Variants in SLC45A2 observed in about 807,000 individuals in gnomAD.
The protein encoded by SLC45A2 is membrane-associated transporter protein.
SLC45A2 carries 36 observed loss-of-function variants against 45.5 expected under a neutral mutation model. The ratio of observed to expected loss-of-function variants is 0.79; its 90% CI spans 0.61 to 1.04. The LOEUF (loss-of-function observed/expected upper bound fraction) is 1.04, where lower values mean the gene tolerates loss of function less well. Ranked by LOEUF, SLC45A2 falls within the 50% of genes least tolerant of loss-of-function variation. The pLI, the probability that SLC45A2 is intolerant of heterozygous loss-of-function variation, is 0.00. For synonymous variants in SLC45A2, 306 were observed against 269.3 expected (o/e 1.14, Z -1.33); for missense variants, 719 against 671.0 (o/e 1.07, Z -0.79).
rs113891096 is a variant in SLC45A2 at position 33,951,786 on chromosome 5, C to A, written c.1033-109G>T. ...GGAGCAAATGTCCCTGCCTGAGGGA[C>A]CCTTTCTAGAGTACAGAGCTGATGC... On this transcript the variant is annotated intron_variant, in intron 4 of 6. Transcript: ENST00000296589. 1,210 of 1,377,272 alleles carry A rather than the reference C, an allele frequency of 8.8e-4. 13 individuals are homozygous for A. The African/African-American group carries it at 0.016, about 18-fold the overall frequency. 85.3% of individuals were successfully genotyped at this position (1,377,272 alleles called of 1,614,324 possible). A position where few individuals can be genotyped will look rare whatever the true frequency, so the allele number is the denominator to read the frequency against.
At position 33,984,373 on chromosome 5, in the gene SLC45A2, T is replaced by C. The variant is rs146913714; in HGVS notation, c.211A>G (p.Ser71Gly). Residue 71 changes from serine to glycine, a missense_variant, in exon 1 of 7, where the codon AGC becomes GGC. By Grantham distance (56) the Ser-to-Gly change is moderately conservative. Coordinates refer to ENST00000296589, the MANE Select transcript of SLC45A2 (RefSeq NM_016180.5). Reference protein sequence around the residue: ...LSVGLPSSLYSIVWFLSPILG... With the variant: ...LSVGLPSSLYGIVWFLSPILG... ...ATGGGGCTGAGGAACCACACAATGCTGTACAGGCTGCTGGGCAGACCTACG... is the reference window on the plus strand; with the variant it reads ...ATGGGGCTGAGGAACCACACAATGCCGTACAGGCTGCTGGGCAGACCTACG... 29 of 1,613,776 alleles carry C rather than the reference T, an allele frequency of 1.8e-5. No individual in the cohort carries two copies. Among genetic ancestry groups the C allele is most frequent in the Non-Finnish European group, 2.2e-5 (26 of 1,179,908 alleles).
At chr5:33,965,806 A>G (rs1752587628) in intron 2 of SLC45A2, among the ~76,000 whole-genome samples, 3 of 152,230 alleles carry the variant, frequency 2.0e-5, no homozygotes, top group Admixed American at 1.3e-4. Flanking sequence ...ATAAGAATGT[A>G]TTAAGTCTGC....
intron 5 of SLC45A2, among the ~76,000 whole-genome samples, chr5:33,950,683 T>C (rs186231035): frequency 1.2e-4 from 19 of 152,312 alleles, no homozygotes; most frequent in Non-Finnish European, 2.5e-4. Flanking sequence ...TCTCCCCATC[T>C]CTTCCCACTT....
intron 4 of SLC45A2, among the ~76,000 whole-genome samples, chr5:33,953,002 G>A (rs1284374031): frequency 1.2e-5 from 1 of 86,838 alleles, no homozygotes; most frequent in Non-Finnish European, 2.3e-5. Flanking sequence ...TTTCATCCAT[G>A]TCCCTACAAA....
At chr5:33,962,779 T>C (rs1049980747) in intron 3 of SLC45A2, among the ~76,000 whole-genome samples, 3 of 152,232 alleles carry the variant, frequency 2.0e-5, no homozygotes, top group Non-Finnish European at 4.4e-5. Context: ...CTATAGCAAG[T>C]AGCTATTTGT....
At chr5:33,974,792 G>A (rs1289837057) in intron 2 of SLC45A2, among the ~76,000 whole-genome samples, 1 of 152,074 alleles carries the variant, frequency 6.6e-6, no homozygotes, top group African/African-American at 2.4e-5. Context: ...TTGAACACAG[G>A]GAGAAAGAGA....
At position 33,984,476 on chromosome 5, in the gene SLC45A2, G is replaced by C; in HGVS notation, c.108C>G (p.Ile36Met). 1.9e-6 allele frequency: 3 copies of C among 1,613,608 alleles called. No individual in the cohort carries two copies. Among genetic ancestry groups the C allele is most frequent in the Non-Finnish European group, 2.5e-6 (3 of 1,179,974 alleles). ...EPPKRPTSRL[I>M]MHSMAMFGRE... is the part of the protein sequence containing the mutation. The stretch of plus-strand genomic sequence containing the variant: ...TTCCGAACATGGCCATGCTGTGCAT[G>C]ATGAGTCTGCTGGTGGGTCTTTTAG... Residue 36 changes from isoleucine to methionine, a missense_variant, in exon 1 of 7, where the codon ATC (isoleucine) becomes ATG (methionine). Ile to Met is a conservative substitution (Grantham distance 10, BLOSUM62 1). Transcript: ENST00000296589.
At chr5:33,965,858 G>T (rs1752588934) in intron 2 of SLC45A2, among the ~76,000 whole-genome samples, 1 of 152,230 alleles carries the variant, frequency 6.6e-6, no homozygotes, top group Non-Finnish European at 1.5e-5. Flanking sequence ...TCTAGATATT[G>T]CCAAATATCT....
At chr5:33,960,593 G>A (rs34675) in intron 3 of SLC45A2, among the ~76,000 whole-genome samples, 10,009 of 152,090 alleles carry the variant, frequency 0.066, 1,155 homozygotes, top group East Asian at 0.39. Flanking sequence ...CACAACAGAC[G>A]TTGGGGACTC....
rs575506579 is a variant in SLC45A2 at position 33,963,555 on chromosome 5, C to A, written c.888+136G>T. The A allele has an allele frequency of 8.0e-5, 77 of 957,628 alleles. No individual in the cohort carries two copies. In the East Asian group the frequency reaches 1.4e-3, roughly 18 times the overall value. 59.3% of individuals were successfully genotyped at this position (957,628 alleles called of 1,614,324 possible). The stretch of plus-strand genomic sequence containing the variant: ...TTTTAATTCCAAGGGATGATAGCTA[C>A]GGGGGATTTGGGAATTCAGTTAGAC... On this transcript the variant is annotated intron_variant, in intron 3 of 6. Coordinates refer to ENST00000296589, the MANE Select transcript of SLC45A2 (RefSeq NM_016180.5).
At chr5:33,947,780 T>C (rs993214442) in intron 5 of SLC45A2, among the ~76,000 whole-genome samples, 8 of 152,224 alleles carry the variant, frequency 5.3e-5, no homozygotes, top group Admixed American at 3.9e-4. Context: ...CAGGCCTATC[T>C]TGGCCCTACA....
At chr5:33,967,306 A>G (rs1752628416) in intron 2 of SLC45A2, among the ~76,000 whole-genome samples, 1 of 152,244 alleles carries the variant, frequency 6.6e-6, no homozygotes, top group African/African-American at 2.4e-5. Context: ...TCAAACTTGG[A>G]AAGTGTAAAA....
In SLC45A2 at chr5:33,984,637, G is replaced by A; in HGVS notation, c.-54C>T. ...GCCCACCACCTCCTGCGTGGTCCTA[G>A]GGTCTGTGTTTCAAACTGGATTTGA... On this transcript the variant is annotated 5_prime_UTR_variant, in exon 1 of 7. Coordinates refer to ENST00000296589, the MANE Select transcript of SLC45A2 (RefSeq NM_016180.5). 5.6e-6 allele frequency: 9 copies of A among 1,600,438 alleles called. No homozygotes were observed. Among genetic ancestry groups the A allele is most frequent in the Non-Finnish European group, 7.6e-6 (9 of 1,179,610 alleles).
chr5:33,947,115 C>T, intron 6 of SLC45A2, 48 bp downstream of exon 6: 1 of 1,614,202 alleles, frequency 6.2e-7, no homozygotes, highest in Non-Finnish European at 8.5e-7. Context: ...CCCCAGCCTT[C>T]AGATGAGTCT....
chr5:33,945,039 G>T (rs1022661819), intron 6 of SLC45A2, among the ~76,000 whole-genome samples, 167 bp from the exon 7 acceptor site: 2 of 152,246 alleles, frequency 1.3e-5, no homozygotes, highest in African/African-American at 4.8e-5. Flanking sequence ...TGCAAAAGCA[G>T]GGGCAATGTG....
chr5:33,981,468 T>TA (rs1305440284), intron 2 of SLC45A2, among the ~76,000 whole-genome samples: 2 of 152,214 alleles, frequency 1.3e-5, no homozygotes, highest in Non-Finnish European at 2.9e-5. Context: ...GGTGGGCTGA[T>TA]AGAGTCCCCC....
intron 5 of SLC45A2, among the ~76,000 whole-genome samples, chr5:33,949,365 G>T (rs1752031040): frequency 6.6e-6 from 1 of 152,212 alleles, no homozygotes. Flanking sequence ...ATTTCACTGA[G>T]GAAGTAATAT....
intron 5 of SLC45A2, among the ~76,000 whole-genome samples, chr5:33,948,612 G>A (rs1752007432): frequency 6.6e-6 from 1 of 152,218 alleles, no homozygotes; most frequent in Admixed American, 6.5e-5. Context: ...ATGACAAGTA[G>A]GCAACATTGC....
At chr5:33,969,563 A>T (rs1752721960) in intron 2 of SLC45A2, among the ~76,000 whole-genome samples, 1 of 152,120 alleles carries the variant, frequency 6.6e-6, no homozygotes, top group African/African-American at 2.4e-5. Flanking sequence ...GAGAAATAAG[A>T]ATGGTTTGTC....
Sources: allele counts gnomAD v4.1 joint callset (sites outside exome capture counted in the v4.1 genomes callset), GRCh38; gene constraint gnomAD v4.1.1; transcripts MANE v1.5; gene names NCBI Gene and HGNC (gene_info 2026-07-23, HGNC 2026-07-21).